The following ITCH variants were observed in gnomAD, a reference collection of about 807,000 sequenced individuals.
The protein encoded by ITCH is E3 ubiquitin-protein ligase Itchy homolog.
ITCH carries 28 observed loss-of-function variants against 126.8 expected under a neutral mutation model. The ratio of observed to expected loss-of-function variants is 0.22; its 90% CI spans 0.16 to 0.30. The LOEUF (loss-of-function observed/expected upper bound fraction) is 0.30, where lower values mean the gene tolerates loss of function less well. Among genes scored for constraint, ITCH ranks in the 10% least tolerant of loss-of-function variants. The pLI, the probability that ITCH is intolerant of heterozygous loss-of-function variation, is 1.00. For missense variants in ITCH, 631 were observed against 1,032.4 expected, an observed-to-expected ratio of 0.61 and a Z score of 5.33; for synonymous variants, 342 against 340.0, an observed-to-expected ratio of 1.01 and a Z score of -0.06.
At chr20:34,402,460 G>C in intron 3 of ITCH, 1 of 768,554 alleles carries the variant, frequency 1.3e-6, no homozygotes, top group South Asian at 1.3e-5. Flanking sequence ...GAGAGATGGA[G>C]AGACCACTGA....
intron 1 of ITCH, among the ~76,000 whole-genome samples, 157 bp from the exon 2 acceptor site, chr20:34,369,237 G>A (rs937661041): frequency 3.3e-5 from 5 of 152,216 alleles, no homozygotes; most frequent in African/African-American, 9.6e-5. Context: ...GGAGGCTGAG[G>A]CAGAAGAATC....
intron 2 of ITCH, among the ~76,000 whole-genome samples, chr20:34,384,651 T>C (rs1176674540): frequency 7.3e-6 from 1 of 137,004 alleles, no homozygotes; most frequent in East Asian, 2.2e-4. Flanking sequence ...ATGGTGGATA[T>C]TAGGGTCTTT....
intron 6 of ITCH, among the ~76,000 whole-genome samples, chr20:34,417,396 C>A (rs1263932037): frequency 1.4e-5 from 2 of 144,086 alleles, no homozygotes; most frequent in African/African-American, 2.6e-5. Flanking sequence ...CTGCGCCCGG[C>A]TGACTTTTTT....
At chr20:34,421,344 G>A (rs879649898) in intron 6 of ITCH, among the ~76,000 whole-genome samples, 5 of 152,144 alleles carry the variant, frequency 3.3e-5, no homozygotes, top group Admixed American at 6.6e-5. Flanking sequence ...GTGTTAAAAC[G>A]CTTTATCTAG....
intron 13 of ITCH, among the ~76,000 whole-genome samples, chr20:34,458,215 T>C (rs986836880): frequency 6.6e-6 from 1 of 152,200 alleles, no homozygotes; most frequent in Non-Finnish European, 1.5e-5. Flanking sequence ...TAAGAATGCC[T>C]AGGAGTTTGC....
chr20:34,447,292 T>C (rs548870204), intron 11 of ITCH, among the ~76,000 whole-genome samples: 1 of 152,272 alleles, frequency 6.6e-6, no homozygotes, highest in East Asian at 1.9e-4. Context: ...TGGAGTGGTT[T>C]GAAATTACAT....
At chr20:34,442,160 A>G (rs1373243587) in intron 9 of ITCH, 48 bp from the exon 10 acceptor site, 2 of 1,363,222 alleles carry the variant, frequency 1.5e-6, no homozygotes, top group East Asian at 2.3e-5. Flanking sequence ...TTAAAAAGCC[A>G]GGTAACTCAT....
chr20:34,469,239 A>G (rs1987390960), intron 14 of ITCH, among the ~76,000 whole-genome samples: 1 of 151,868 alleles, frequency 6.6e-6, no homozygotes, highest in African/African-American at 2.4e-5. Flanking sequence ...ACACACACAC[A>G]CACACACACA....
intron 20 of ITCH, among the ~76,000 whole-genome samples, chr20:34,483,028 C>T (rs911626326): frequency 2.4e-4 from 36 of 152,188 alleles, no homozygotes; most frequent in African/African-American, 8.7e-4. Context: ...CGGGCTGTAC[C>T]TTGGCCACTT....
At chr20:34,443,628 G>A (rs1202594680) in intron 10 of ITCH, among the ~76,000 whole-genome samples, 1 of 152,084 alleles carries the variant, frequency 6.6e-6, no homozygotes, top group Non-Finnish European at 1.5e-5. Context: ...CCCTGAAAAG[G>A]TACTGTTTTA....
chr20:34,413,597 T>C, intron 5 of ITCH, 145 bp from the exon 6 acceptor site: 1 of 695,286 alleles, frequency 1.4e-6, no homozygotes, highest in East Asian at 2.8e-5. Flanking sequence ...GTTCAAACCT[T>C]GGGTGAAACA....
chr20:34,425,587 A>G (rs1447588542), intron 7 of ITCH, among the ~76,000 whole-genome samples: 3 of 152,192 alleles, frequency 2.0e-5, no homozygotes, highest in African/African-American at 7.2e-5. Context: ...GCTGGAGGTG[A>G]GATATGCTGG....
At position 34,402,053 on chromosome 20, in the gene ITCH, A is replaced by G. The variant is rs538218288; in HGVS notation, c.71-6598A>G. On this transcript the variant is annotated intron_variant, in intron 3 of 24. Coordinates refer to ENST00000374864, the MANE Select transcript of ITCH (RefSeq NM_031483.7). ...CAGTGCGTTTGTCATTATGGCAAAA[A>G]CGAATTTTAATTTTTAAGCTTTAGT... is the stretch of plus-strand genomic sequence containing the variant. 8.6e-5 allele frequency: 58 copies of G among 676,596 alleles called. 1 individual carries two copies. The South Asian group carries it at 9.9e-4, about 12-fold the overall frequency. The allele number at this position is 676,596 out of a possible 1,614,324, so 41.9% of individuals were successfully genotyped here.
intron 23 of ITCH, among the ~76,000 whole-genome samples, chr20:34,503,865 T>TG (rs1289270000): frequency 0.028 from 2,885 of 103,728 alleles, 179 homozygotes; most frequent in East Asian, 0.11. Context: ...TTTTTTTTTT[T>TG]TTTGGTTTTT....
At chr20:34,375,385 G>C (rs1295120627) in intron 2 of ITCH, among the ~76,000 whole-genome samples, 3 of 148,566 alleles carry the variant, frequency 2.0e-5, no homozygotes, top group Non-Finnish European at 4.4e-5. Context: ...AGTATGTGAG[G>C]TTATGTATAT....
At chr20:34,459,304 C>T (rs1986298570) in intron 13 of ITCH, among the ~76,000 whole-genome samples, 1 of 152,100 alleles carries the variant, frequency 6.6e-6, no homozygotes, top group South Asian at 2.1e-4. Flanking sequence ...ACATTGAGGT[C>T]GAGTATCACC....
chr20:34,419,353 T>G (rs1260552906), intron 6 of ITCH, among the ~76,000 whole-genome samples: 2 of 152,238 alleles, frequency 1.3e-5, no homozygotes, highest in Non-Finnish European at 2.9e-5. Context: ...TCCTTTCCTT[T>G]CCTTTCGAGA....
rs975266885 is a variant in ITCH, at chr20:34,368,920, C to A, written c.-98-474C>A. Among the ~76,000 whole-genome samples the A allele has an allele frequency of 2.6e-5, 4 of 152,222 alleles. No individual in the cohort carries two copies. The East Asian group carries it at 5.8e-4, about 22-fold the overall frequency. On this transcript the variant is annotated intron_variant, in intron 1 of 24. Coordinates refer to ENST00000374864, the MANE Select transcript of ITCH (RefSeq NM_031483.7). ...CCCATAATACGTATGAATCATTTTCCCTCAGTTCTTTCTTTTGTCCTGTCT... is the reference window on the plus strand; with the variant it reads ...CCCATAATACGTATGAATCATTTTCACTCAGTTCTTTCTTTTGTCCTGTCT...
At chr20:34,369,239 A>G (rs762444606) in intron 1 of ITCH, among the ~76,000 whole-genome samples, 155 bp from the exon 2 acceptor site, 2 of 152,240 alleles carry the variant, frequency 1.3e-5, no homozygotes, top group Non-Finnish European at 2.9e-5. Context: ...AGGCTGAGGC[A>G]GAAGAATCGC....
Sources: allele counts gnomAD v4.1 joint callset (sites outside exome capture counted in the v4.1 genomes callset), GRCh38; gene constraint gnomAD v4.1.1; transcripts MANE v1.5; gene names NCBI Gene and HGNC (gene_info 2026-07-23, HGNC 2026-07-21).